PRDM5: variants seen among roughly 807,000 people sequenced by gnomAD.
PRDM5 encodes PR domain zinc finger protein 5.
In PRDM5, 56 loss-of-function variants were observed where a neutral mutation model predicts 81.2. The ratio of observed to expected loss-of-function variants is 0.69; its 90% confidence interval spans 0.56 to 0.86. PRDM5 has a LOEUF of 0.86. Ranked by LOEUF, PRDM5 falls within the 40% of genes least tolerant of loss-of-function variation. The pLI, the probability that PRDM5 is intolerant of heterozygous loss-of-function variation, is 0.00. For missense variants in PRDM5, 697 were observed against 770.1 expected (o/e 0.91, Z 1.12); for synonymous variants, 267 against 256.4 (o/e 1.04, Z -0.39).
chr4:120,701,851 G>A (rs1242577331), intron 15 of PRDM5, among the ~76,000 whole-genome samples: 1 of 152,104 alleles, frequency 6.6e-6, no homozygotes, highest in African/African-American at 2.4e-5. Context: ...AATCAAAGAG[G>A]TAATTTTTTC....
At chr4:120,698,514 G>A (rs918117808) in intron 15 of PRDM5, among the ~76,000 whole-genome samples, 2 of 151,950 alleles carry the variant, frequency 1.3e-5, no homozygotes, top group African/African-American at 4.8e-5. Flanking sequence ...GATCTTAATC[G>A]TATTCATACC....
intron 2 of PRDM5, among the ~76,000 whole-genome samples, chr4:120,873,822 G>A (rs1762086830): frequency 6.6e-6 from 1 of 152,154 alleles, no homozygotes; most frequent in Non-Finnish European, 1.5e-5. Flanking sequence ...GTTTCTGCAA[G>A]AAAAGGTACT....
chr4:120,842,727 G>T (rs1232466970), intron 3 of PRDM5, among the ~76,000 whole-genome samples: 2 of 152,128 alleles, frequency 1.3e-5, no homozygotes, highest in Middle Eastern at 3.2e-3. Context: ...AATATGAAAT[G>T]TAAGATTTGC....
intron 2 of PRDM5, 71 bp from the exon 3 acceptor site, chr4:120,853,611 G>T: frequency 6.3e-7 from 1 of 1,596,912 alleles, no homozygotes; most frequent in Admixed American, 1.7e-5. Context: ...TCAAGGTTAG[G>T]ACATGACGTT....
rs140303736 is a variant in PRDM5 at position 120,893,540 on chromosome 4, C to T, written c.177+13934G>A. 8.5e-5 allele frequency among the ~76,000 whole-genome samples: 13 copies of T among 152,320 alleles called. No individual in the cohort carries two copies. The East Asian group carries it at 1.9e-3, about 23-fold the overall frequency. ...GTTAATTTGGTAAGTGTTCCATGTG[C>T]GTTACTTGACCAACTGTCACTGGAC... On this transcript the variant is annotated intron_variant, in intron 2 of 15. Transcript: ENST00000264808.
intron 14 of PRDM5, among the ~76,000 whole-genome samples, chr4:120,726,925 A>G (rs1739498836): frequency 6.6e-6 from 1 of 152,240 alleles, no homozygotes; most frequent in South Asian, 2.1e-4. Context: ...ATGCTCTGCC[A>G]GTGGGGAGTA....
intron 8 of PRDM5, among the ~76,000 whole-genome samples, chr4:120,809,186 T>C (rs1753467410): frequency 1.4e-5 from 2 of 146,082 alleles, no homozygotes; most frequent in South Asian, 4.3e-4. Flanking sequence ...AGGTGGGAAC[T>C]GAAAAATGAG....
At chr4:120,885,647 A>G (rs1203635704) in intron 2 of PRDM5, 1 of 152,126 alleles carries the variant, frequency 6.6e-6, no homozygotes, top group Non-Finnish European at 1.5e-5. Context: ...TACAAAACTT[A>G]GCCAGGCATG....
chr4:120,811,357 T>C lies in PRDM5; in HGVS notation c.945+13A>G, dbSNP rs764720845. On this transcript the variant is annotated intron_variant, in intron 8 of 15. Transcript: ENST00000264808. Reference sequence around the variant, plus strand: ...ATAGATATTAAACTGTGATGAATTTTTATCTTACTGACCTTTCTATGTTCC... The same window carrying C: ...ATAGATATTAAACTGTGATGAATTTCTATCTTACTGACCTTTCTATGTTCC... 7 of 1,544,550 alleles carry C rather than the reference T, an allele frequency of 4.5e-6. 1 individual carries two copies. The Admixed American group carries it at 1.2e-4, about 26-fold the overall frequency.
intron 14 of PRDM5, among the ~76,000 whole-genome samples, chr4:120,744,537 G>C (rs1490306372): frequency 4.0e-5 from 6 of 151,722 alleles, no homozygotes; most frequent in African/African-American, 7.3e-5. Context: ...CCGCTAGCAA[G>C]ACTAATAAAG....
At chr4:120,754,940 C>T (rs1466829931) in intron 13 of PRDM5, among the ~76,000 whole-genome samples, 2 of 152,172 alleles carry the variant, frequency 1.3e-5, no homozygotes, top group African/African-American at 4.8e-5. Context: ...ATTAAATCTC[C>T]TCATTTTAAG....
At chr4:120,723,332 C>T (rs746572715) in intron 14 of PRDM5, among the ~76,000 whole-genome samples, 8 of 152,122 alleles carry the variant, frequency 5.3e-5, no homozygotes, top group Non-Finnish European at 7.3e-5. Context: ...CTGAGAACAA[C>T]GTACTTGTGC....
At chr4:120,749,525 T>G (rs1224104031) in intron 14 of PRDM5, among the ~76,000 whole-genome samples, 1 of 152,090 alleles carries the variant, frequency 6.6e-6, no homozygotes, top group Non-Finnish European at 1.5e-5. Context: ...CTGTGCTGCA[T>G]GAATACAAGG....
intron 2 of PRDM5, among the ~76,000 whole-genome samples, chr4:120,868,656 T>C (rs1170656980): frequency 1.3e-5 from 2 of 152,134 alleles, no homozygotes; most frequent in Non-Finnish European, 2.9e-5. Flanking sequence ...GAAAAACCTG[T>C]TAATTTATTT....
At chr4:120,698,615 A>G (rs2148992713) in intron 15 of PRDM5, among the ~76,000 whole-genome samples, 1 of 152,290 alleles carries the variant, frequency 6.6e-6, no homozygotes, top group South Asian at 2.1e-4. Context: ...TTAACTGACC[A>G]CTTGGATAGT....
intron 14 of PRDM5, among the ~76,000 whole-genome samples, chr4:120,724,259 C>A (rs1739077100): frequency 6.6e-6 from 1 of 151,900 alleles, no homozygotes; most frequent in Admixed American, 6.6e-5. Flanking sequence ...TGTTAGAAAC[C>A]AAGGGAAACA....
intron 10 of PRDM5, among the ~76,000 whole-genome samples, chr4:120,789,268 G>A (rs912890797): frequency 2.2e-4 from 34 of 152,076 alleles, no homozygotes; most frequent in African/African-American, 7.2e-4. Context: ...AGAATGTCTC[G>A]AAAATGCTTC....
At chr4:120,806,006 G>C (rs1369235074) in intron 8 of PRDM5, among the ~76,000 whole-genome samples, 2 of 152,090 alleles carry the variant, frequency 1.3e-5, no homozygotes, top group African/African-American at 4.8e-5. Context: ...GCAGTCTCAG[G>C]ATACAAAATC....
intron 13 of PRDM5, among the ~76,000 whole-genome samples, chr4:120,766,587 TG>T (rs1746420018): frequency 6.6e-6 from 1 of 152,146 alleles, no homozygotes; most frequent in African/African-American, 2.4e-5. Flanking sequence ...AAGGAGTGTA[TG>T]TAGTTCTATG....
Sources: allele counts gnomAD v4.1 joint callset (sites outside exome capture counted in the v4.1 genomes callset), GRCh38; gene constraint gnomAD v4.1.1; transcripts MANE v1.5; gene names NCBI Gene and HGNC (gene_info 2026-07-23, HGNC 2026-07-21).